NNMT: variants seen among roughly 807,000 people sequenced by gnomAD.
NNMT encodes nicotinamide N-methyltransferase.
A neutral mutation model predicts 11.7 loss-of-function variants in NNMT; 10 were observed. The observed-to-expected ratio is 0.85, with a 90% confidence interval of 0.53 to 1.45. The LOEUF (loss-of-function observed/expected upper bound fraction) is 1.45. Ranked by LOEUF, NNMT falls within the 40% of genes most tolerant of loss-of-function variation. The pLI, the probability that NNMT is intolerant of heterozygous loss-of-function variation, is 0.00. For synonymous variants in NNMT, 143 were observed against 133.8 expected, an observed-to-expected ratio of 1.07 and a Z score of -0.48; for missense variants, 381 against 319.4, an observed-to-expected ratio of 1.19 and a Z score of -1.47.
intron 2 of NNMT, among the ~76,000 whole-genome samples, chr11:114,273,674 T>C (rs1280667362): frequency 1.3e-5 from 2 of 152,064 alleles, no homozygotes; most frequent in African/African-American, 4.8e-5. Flanking sequence ...ACCCCGTCTC[T>C]ACTAAAAATA....
chr11:114,283,633 C>T (rs185512576), intron 2 of NNMT, among the ~76,000 whole-genome samples: 3 of 152,178 alleles, frequency 2.0e-5, no homozygotes, highest in South Asian at 2.1e-4. Context: ...GTTTTACTTC[C>T]GAGGCTTAGT....
intron 2 of NNMT, among the ~76,000 whole-genome samples, chr11:114,284,652 C>T (rs1049803359): frequency 3.3e-5 from 5 of 151,100 alleles, no homozygotes; most frequent in Admixed American, 1.3e-4. Context: ...TTAGTAGAGA[C>T]GGGGTTTCAC....
chr11:114,307,195 A>G (rs1304020327), intron 2 of NNMT, among the ~76,000 whole-genome samples: 1 of 152,144 alleles, frequency 6.6e-6, no homozygotes, highest in African/African-American at 2.4e-5. Context: ...AATTGTAAAC[A>G]TTTCTACTCA....
At chr11:114,306,281 C>A (rs1945491464) in intron 2 of NNMT, among the ~76,000 whole-genome samples, 1 of 152,060 alleles carries the variant, frequency 6.6e-6, no homozygotes, top group African/African-American at 2.4e-5. Context: ...TGTAAAATTT[C>A]TCTCCCATTC....
intron 2 of NNMT, among the ~76,000 whole-genome samples, chr11:114,287,408 GT>G (rs985611715): frequency 1.3e-5 from 2 of 152,048 alleles, no homozygotes; most frequent in Non-Finnish European, 2.9e-5. Flanking sequence ...TGCCTGAATT[GT>G]TTTTTGTGCA....
chr11:114,259,702 AACT>A (rs199735321), intron 1 of NNMT, among the ~76,000 whole-genome samples: 40,845 of 151,720 alleles, frequency 0.27, 5,759 homozygotes, highest in East Asian at 0.47. Context: ...AGTGAAAGTG[AACT>A]CGCTCATTTA....
chr11:114,262,907 C>T (rs1266475673), exon 2 of NNMT: 2 of 152,164 alleles, frequency 1.3e-5, no homozygotes, highest in African/African-American at 2.4e-5. Flanking sequence ...AGAGGAAGTG[C>T]ATCAGGACGG....
upstream of NNMT, among the ~76,000 whole-genome samples, chr11:114,295,026 T>G (rs1945362353): frequency 6.6e-6 from 1 of 152,184 alleles, no homozygotes; most frequent in Non-Finnish European, 1.5e-5. Flanking sequence ...ATTTTTTTAT[T>G]AGGCAAAGCA....
At chr11:114,309,088 T>C (rs1391945963) in intron 2 of NNMT, among the ~76,000 whole-genome samples, 2 of 152,214 alleles carry the variant, frequency 1.3e-5, no homozygotes, top group East Asian at 1.9e-4. Flanking sequence ...GTTCCCGTTA[T>C]ACAGGATCAT....
chr11:114,269,868 G>A (rs1945156356), intron 2 of NNMT, among the ~76,000 whole-genome samples: 1 of 151,718 alleles, frequency 6.6e-6, no homozygotes, highest in Non-Finnish European at 1.5e-5. Context: ...TAACTTCTTG[G>A]TTTAGATGCT....
chr11:114,312,640 C>G lies in NNMT; in HGVS notation c.*163C>G. On this transcript the variant is annotated 3_prime_UTR_variant, in exon 3 of 3. Coordinates refer to ENST00000299964, the MANE Select transcript of NNMT (RefSeq NM_006169.3). ...GTCAGTCTACAAGCAATCCATTGAC[C>G]ACTTACTTGGTGCTGCACACAAATG... 3.1e-6 allele frequency: 2 copies of G among 637,542 alleles called. No individual in the cohort carries two copies. The highest frequency in any genetic ancestry group is 2.1e-5 in the South Asian group (1 of 47,740). 39.5% of individuals were successfully genotyped at this position (637,542 alleles called of 1,614,324 possible).
chr11:114,303,491 G>A (rs1004990422), intron 2 of NNMT, among the ~76,000 whole-genome samples: 6 of 151,846 alleles, frequency 4.0e-5, no homozygotes, highest in East Asian at 1.9e-4. Context: ...GACATATTTG[G>A]TGCTCATTTT....
chr11:114,258,888 G>GT (rs139668139), intron 1 of NNMT, among the ~76,000 whole-genome samples: 19,551 of 152,152 alleles, frequency 0.13, 1,262 homozygotes, highest in Middle Eastern at 0.23. Context: ...TGCGTGTGCT[G>GT]TTTCCTCTTC....
At chr11:114,288,287 A>G (rs969350869) in intron 2 of NNMT, among the ~76,000 whole-genome samples, 2 of 152,144 alleles carry the variant, frequency 1.3e-5, no homozygotes, top group Admixed American at 6.5e-5. Context: ...TCTCTGTTCA[A>G]CTTGAAAGGA....
chr11:114,290,583 A>C (rs1004245769), intron 2 of NNMT, among the ~76,000 whole-genome samples: 2 of 152,156 alleles, frequency 1.3e-5, no homozygotes, highest in Non-Finnish European at 2.9e-5. Context: ...CTTTAATTCC[A>C]TCTTTCTTAT....
chr11:114,277,155 G>A (rs1349907525), intron 2 of NNMT, among the ~76,000 whole-genome samples: 2 of 151,642 alleles, frequency 1.3e-5, no homozygotes, highest in Admixed American at 6.6e-5. Flanking sequence ...CCCGGGAGGT[G>A]GAGGTTGCAG....
chr11:114,289,845 A>G (rs1945322446), intron 2 of NNMT, among the ~76,000 whole-genome samples: 1 of 152,212 alleles, frequency 6.6e-6, no homozygotes, highest in Non-Finnish European at 1.5e-5. Context: ...AAAATGCCAT[A>G]AACGAGGTGG....
intron 2 of NNMT, among the ~76,000 whole-genome samples, chr11:114,306,056 T>C (rs2135280626): frequency 6.6e-6 from 1 of 152,348 alleles, no homozygotes; most frequent in East Asian, 1.9e-4. Context: ...TGGTGTGAGA[T>C]GGTGTCTCAT....
At chr11:114,259,348 G>GT (rs371719367) in intron 1 of NNMT, among the ~76,000 whole-genome samples, 13,787 of 88,444 alleles carry the variant, frequency 0.16, 908 homozygotes, top group Middle Eastern at 0.22. Flanking sequence ...GAGGCCCAGT[G>GT]GGGGGGGGGG....
Sources: allele counts gnomAD v4.1 joint callset (sites outside exome capture counted in the v4.1 genomes callset), GRCh38; gene constraint gnomAD v4.1.1; transcripts MANE v1.5; gene names NCBI Gene and HGNC (gene_info 2026-07-23, HGNC 2026-07-21).